Variants in FCN3 observed in about 807,000 individuals in gnomAD.
FCN3 encodes ficolin 3, also known as ficolin-3.
In FCN3, 28 loss-of-function variants were observed where a neutral mutation model predicts 31.5. That is an observed-to-expected ratio of 0.89 (90% CI 0.66 to 1.22). The LOEUF (loss-of-function observed/expected upper bound fraction) is 1.22. Ranked by LOEUF, FCN3 falls within the 50% of genes most tolerant of loss-of-function variation. The pLI, the probability that FCN3 is intolerant of heterozygous loss-of-function variation, is 0.00. For synonymous variants in FCN3, 124 were observed against 147.4 expected (o/e 0.84, Z 1.15); for missense variants, 351 against 386.8 (o/e 0.91, Z 0.78).
At position 27,374,749 on chromosome 1, in the gene FCN3, G is replaced by A. The variant is rs1372225883; in HGVS notation, c.70C>T (p.Gln24Ter). 10 of 1,395,174 alleles carry A rather than the reference G, an allele frequency of 7.2e-6. No individual in the cohort carries two copies. The South Asian group carries it at 2.0e-4, about 28-fold the overall frequency. 86.4% of individuals were successfully genotyped at this position (1,395,174 alleles called of 1,614,324 possible). The change falls in exon 1 of 8, where the codon CAG becomes TAG. Residue 24 changes from glutamine (Q) to a stop codon, truncating the protein, a stop_gained. Coordinates refer to ENST00000270879, the MANE Select transcript of FCN3 (RefSeq NM_003665.4). LOFTEE classifies it high-confidence loss of function. Reference sequence around the variant, plus strand: ...CCACCTGGGCAGCTGGGGTGTTCCTGGGTCTTCAGGCAGGCAGGCCCCCCA... The same window carrying A: ...CCACCTGGGCAGCTGGGGTGTTCCTAGGTCTTCAGGCAGGCAGGCCCCCCA... Reference protein sequence around the residue: ...LLGGPACLKTQEHPSCPGPRE... With the variant: ...LLGGPACLKT
rs28385722 is a variant in FCN3 at position 27,373,702 on chromosome 1, A to G, written c.233-182T>C. ...TCTCCTAATCCTCTCCACTCCTCCC[A>G]GCCTTCCAAACCCTGTAGGAGGGCC... On this transcript the variant is annotated intron_variant, in intron 3 of 7. Coordinates refer to ENST00000270879, the MANE Select transcript of FCN3 (RefSeq NM_003665.4). 1.9e-3 allele frequency: 1,337 copies of G among 696,082 alleles called. 6 individuals carry two copies. The highest frequency in any genetic ancestry group is 0.018 in the African/African-American group (973 of 55,498). 43.1% of individuals were successfully genotyped at this position (696,082 alleles called of 1,614,324 possible).
chr1:27,373,745 C>A, intron 3 of FCN3: 1 of 644,600 alleles, frequency 1.6e-6, no homozygotes, highest in South Asian at 1.9e-5. Flanking sequence ...GGTACCCAGG[C>A]CCTTCTCCTA....
At chr1:27,374,680 C>T (rs775655432) in intron 1 of FCN3, 48 bp downstream of exon 1, 22 of 1,151,314 alleles carry the variant, frequency 1.9e-5, no homozygotes, top group African/African-American at 7.8e-5. Context: ...GGACACCCAG[C>T]GAGGGAATGA....
At chr1:27,373,102 GC>G in intron 5 of FCN3, 33 bp downstream of exon 5, 1 of 1,609,860 alleles carries the variant, frequency 6.2e-7, no homozygotes, top group Non-Finnish European at 8.5e-7. Flanking sequence ...TGACCAGTGG[GC>G]CTGGCCTGTT....
chr1:27,374,641 C>G (rs2016214463), intron 1 of FCN3, 87 bp downstream of exon 1: 2 of 853,572 alleles, frequency 2.3e-6, no homozygotes, highest in Admixed American at 3.2e-5. Context: ...TCCCACCCTG[C>G]TCCTTGAGGT....
At position 27,369,230 on chromosome 1, in the gene FCN3, A is replaced by G. The variant is rs1189137187; in HGVS notation, c.*6T>C. On this transcript the variant is annotated 3_prime_UTR_variant, in exon 8 of 8. Transcript: ENST00000270879. ...GAGAGATAAGGGCACTGGCTGCCAG[A>G]GTGCCCTATCGAAGCATCATCCGAA... is the stretch of plus-strand genomic sequence containing the variant. The G allele has an allele frequency of 1.2e-6, 2 of 1,613,868 alleles. No individual in the cohort carries two copies. Among genetic ancestry groups the G allele is most frequent in the Non-Finnish European group, 1.7e-6 (2 of 1,179,870 alleles).
Position 27,370,924 on chromosome 1 carries a change from A to G in FCN3, c.442T>C (p.Ser148Pro). 6.2e-7 allele frequency: 1 copy of G among 1,613,802 alleles called. No individual in the cohort carries two copies. The highest frequency in any genetic ancestry group is 1.7e-5 in the Admixed American group (1 of 60,008). Residue 148 changes from serine to proline, a missense_variant, in exon 6 of 8, where the codon TCC (serine) becomes CCC (proline). Physicochemically the swap from Ser to Pro is moderately conservative, Grantham distance 74. Transcript: ENST00000270879. ...DGSVDFFRSWSSYRAGFGNQE... is the reference protein window; with the variant it reads ...DGSVDFFRSWPSYRAGFGNQE... The stretch of plus-strand genomic sequence containing the variant: ...TTCCCAAAACCTGCTCTGTAGGAGG[A>G]CCAAGAGCGGAAGAAATCCACAGAA...
At position 27,373,169 on chromosome 1, in the gene FCN3, A is replaced by G; in HGVS notation, c.360T>C (p.Phe120=). The G allele has an allele frequency of 6.2e-7, 1 of 1,613,856 alleles. No individual in the cohort carries two copies. The highest frequency in any genetic ancestry group is 8.5e-7 in the Non-Finnish European group (1 of 1,179,932). ...CLPEGRALPV[F]CDMDTEGGGW... is the part of the protein sequence containing the mutation. Reference sequence around the variant, plus strand: ...CGCCCCCCTCGGTGTCCATGTCACAAAAGACTGGGAGGGCCCTGCCCTCAG... The same window carrying G: ...CGCCCCCCTCGGTGTCCATGTCACAGAAGACTGGGAGGGCCCTGCCCTCAG... Residue 120 remains phenylalanine (F), a synonymous_variant, in exon 5 of 8, where the codon TTT becomes TTC. Transcript: ENST00000270879.
At chr1:27,370,396 T>C (rs985358548) in intron 7 of FCN3, 200 bp downstream of exon 7, 1 of 591,676 alleles carries the variant, frequency 1.7e-6, no homozygotes, top group African/African-American at 1.9e-5. Context: ...ATGGCAGAGA[T>C]GGATTCAAAC....
intron 5 of FCN3, 140 bp from the exon 6 acceptor site, chr1:27,371,112 G>T: frequency 1.2e-6 from 1 of 813,356 alleles, no homozygotes; most frequent in Non-Finnish European, 2.0e-6. Context: ...CTTCAAGTTA[G>T]CTTTGAATAT....
At position 27,369,573 on chromosome 1, in the gene FCN3, T is replaced by A. The variant is rs995537326; in HGVS notation, c.659-96A>T. 8 of 1,210,324 alleles carry A rather than the reference T, an allele frequency of 6.6e-6. No individual in the cohort carries two copies. In the East Asian group the frequency reaches 2.0e-4, roughly 30 times the overall value. 75.0% of individuals were successfully genotyped at this position (1,210,324 alleles called of 1,614,324 possible). A position where few individuals can be genotyped will look rare whatever the true frequency, so the allele number is the denominator to read the frequency against. ...ATGGGAGTCTCAGAGCAACTAAGAGTTGAATTTTATCAGGCCCCACGAGCA... is the reference window on the plus strand; with the variant it reads ...ATGGGAGTCTCAGAGCAACTAAGAGATGAATTTTATCAGGCCCCACGAGCA... On this transcript the variant is annotated intron_variant, in intron 7 of 7. Coordinates refer to ENST00000270879, the MANE Select transcript of FCN3 (RefSeq NM_003665.4).
chr1:27,374,454 ACAGGGAGACACAGG>A lies in FCN3; in HGVS notation c.92-17_92-4del, dbSNP rs2016210762. 1 of 1,592,180 alleles carries A rather than the reference ACAGGGAGACACAGG, an allele frequency of 6.3e-7. No individual in the cohort carries two copies. The highest frequency in any genetic ancestry group is 1.1e-5 in the South Asian group (1 of 90,608). ...GCTGGCTTCCAGTTCCCTGGGTCCT[ACAGGGAGACACAGG>A]CAGGGTGGGCACAGGGTAGACTGTC... On this transcript the variant is annotated splice_polypyrimidine_tract_variant and splice_region_variant and intron_variant, in intron 1 of 7. Transcript: ENST00000270879.
intron 3 of FCN3, 50 bp from the exon 4 acceptor site, chr1:27,373,570 C>T (rs1414275362): frequency 3.1e-6 from 5 of 1,592,956 alleles, no homozygotes; most frequent in East Asian, 2.2e-5. Context: ...AGCACCCCAG[C>T]GCTGAGCCAC....
chr1:27,373,927 C>G (rs773443432), intron 3 of FCN3, 38 bp downstream of exon 3: 2 of 1,589,044 alleles, frequency 1.3e-6, no homozygotes, highest in South Asian at 2.2e-5. Flanking sequence ...GGGACAGAGG[C>G]AAAGAAAGCG....
chr1:27,370,414 T>G, intron 7 of FCN3, 182 bp downstream of exon 7: 1 of 612,240 alleles, frequency 1.6e-6, no homozygotes. Flanking sequence ...AACTCAGGTC[T>G]GTTTGCCTCC....
At chr1:27,369,943 C>G (rs907646165) in intron 7 of FCN3, among the ~76,000 whole-genome samples, 1 of 152,006 alleles carries the variant, frequency 6.6e-6, no homozygotes, top group Non-Finnish European at 1.5e-5. Context: ...GCAGAGAACA[C>G]TAACACTCAA....
chr1:27,373,179 A>G lies in FCN3; in HGVS notation c.350T>C (p.Leu117Pro), dbSNP rs1557577236. Residue 117 changes from leucine to proline, a missense_variant, in exon 5 of 8, where the codon CTC becomes CCC. Physicochemically the swap from Leu to Pro is moderately conservative, Grantham distance 98. Transcript: ENST00000270879. ...GGTGTCCATGTCACAAAAGACTGGG[A>G]GGGCCCTGCCCTCAGGTAGGCACAG... ...YHLCLPEGRA[L>P]PVFCDMDTEG... is the part of the protein sequence containing the mutation. The G allele has an allele frequency of 6.2e-7, 1 of 1,614,004 alleles. No individual in the cohort carries two copies. The highest frequency in any genetic ancestry group is 1.7e-5 in the Admixed American group (1 of 60,012).
At chr1:27,372,028 T>C (rs1410508031) in intron 5 of FCN3, among the ~76,000 whole-genome samples, 1 of 152,084 alleles carries the variant, frequency 6.6e-6, no homozygotes, top group African/African-American at 2.4e-5. Flanking sequence ...CCCAAAGTGC[T>C]GGGATTACAG....
rs746216217 is a variant in FCN3 at position 27,374,490 on chromosome 1, T to G, written c.92-39A>C. 8.8e-6 allele frequency: 12 copies of G among 1,367,236 alleles called. No individual in the cohort carries two copies. In the South Asian group the frequency reaches 1.4e-4, roughly 16 times the overall value. The allele number at this position is 1,367,236 out of a possible 1,614,324, so 84.7% of individuals were successfully genotyped here. On this transcript the variant is annotated intron_variant, in intron 1 of 7. Coordinates refer to ENST00000270879, the MANE Select transcript of FCN3 (RefSeq NM_003665.4). ...CAGGCAGGGTGGGCACAGGGTAGAC[T>G]GTCTCTTCCAGACCCCTCTTCAGTT...
Sources: gnomAD v4.1 joint callset for allele counts (sites outside exome capture counted in the v4.1 genomes callset) on GRCh38, gnomAD v4.1.1 for gene constraint, MANE v1.5 for transcripts, NCBI Gene and HGNC (gene_info 2026-07-23, HGNC 2026-07-21) for gene names.